The following PCDHGC5 variants were observed in gnomAD, a reference collection of about 807,000 sequenced individuals.
The protein encoded by PCDHGC5 is protocadherin gamma-C5.
Under a neutral mutation model 59.0 loss-of-function variants are expected in PCDHGC5, and 25 were observed. The ratio of observed to expected loss-of-function variants is 0.42; its 90% CI spans 0.31 to 0.59. PCDHGC5 has a LOEUF of 0.59. PCDHGC5 is among the 20% of genes least tolerant of loss of function. The pLI, the probability that PCDHGC5 is intolerant of heterozygous loss-of-function variation, is 0.13. For missense variants in PCDHGC5, 1,067 were observed against 1,206.4 expected (o/e 0.88, Z 1.71); for synonymous variants, 434 against 505.5 (o/e 0.86, Z 1.90).
intron 3 of PCDHGC5, among the ~76,000 whole-genome samples, chr5:141,506,116 A>T: frequency 6.6e-6 from 1 of 152,136 alleles, no homozygotes; most frequent in East Asian, 1.9e-4. Flanking sequence ...AAGAGTCACT[A>T]GGGCCCAGAG....
chr5:141,491,578 C>G lies in PCDHGC5; in HGVS notation c.2338C>G (p.Pro780Ala), dbSNP rs1438933474. Reference protein sequence around the residue: ...QSHCYRTCFSPASDGSDFTFL... With the variant: ...QSHCYRTCFSAASDGSDFTFL... ...CCACTGCTACAGGACGTGCTTTTCA[C>G]CGGCCTCGGACGGCAGTGACTTCAC... Residue 780 changes from proline (P) to alanine (A), a missense_variant, in exon 1 of 4, where the codon CCG (proline) becomes GCG (alanine). Physicochemically the swap from Pro to Ala is conservative, Grantham distance 27. Transcript: ENST00000252087. This position sits in a 1 kb window ranked among gnomAD's most constrained non-coding sequence, Gnocchi z 6.9. The G allele has an allele frequency of 1.9e-6, 3 of 1,614,006 alleles. No individual in the cohort carries two copies. Among genetic ancestry groups the G allele is most frequent in the Non-Finnish European group, 2.5e-6 (3 of 1,180,036 alleles).
chr5:141,510,905 C>T lies in PCDHGC5; in HGVS notation c.2609-42C>T. 4 of 1,613,538 alleles carry T rather than the reference C, an allele frequency of 2.5e-6. No homozygotes were observed. In the South Asian group the frequency reaches 4.4e-5, roughly 18 times the overall value. ...GATATAAGACAGTGACTGTTGAGGA[C>T]CCTAAGTTTAGCTCCCACCTGATCT... On this transcript the variant is annotated intron_variant, in intron 3 of 3. Coordinates refer to ENST00000252087, the MANE Select transcript of PCDHGC5 (RefSeq NM_018929.3).
intron 3 of PCDHGC5, among the ~76,000 whole-genome samples, chr5:141,506,948 G>A (rs949082646): frequency 6.6e-6 from 1 of 152,162 alleles, no homozygotes; most frequent in Non-Finnish European, 1.5e-5. Flanking sequence ...TCCTGTCAAT[G>A]AATCCTCTCA....
chr5:141,500,521 A>T lies in PCDHGC5; in HGVS notation c.2520-4872A>T, dbSNP rs185546944. 3.7e-3 allele frequency among the ~76,000 whole-genome samples: 560 copies of T among 152,176 alleles called. 5 individuals are homozygous for T. Among genetic ancestry groups the T allele is most frequent in the Admixed American group, 0.011 (162 of 15,280 alleles). On this transcript the variant is annotated intron_variant, in intron 2 of 3. Coordinates refer to ENST00000252087, the MANE Select transcript of PCDHGC5 (RefSeq NM_018929.3). Reference sequence around the variant, plus strand: ...ACCGCGCCTGGCCGAGCTTCATTTTAAAAAAATCTCATTCACCTAAATAAG... The same window carrying T: ...ACCGCGCCTGGCCGAGCTTCATTTTTAAAAAATCTCATTCACCTAAATAAG...
Position 141,490,012 on chromosome 5 carries a change from G to A in PCDHGC5, c.772G>A (p.Gly258Ser). 1 of 1,614,232 alleles carries A rather than the reference G, an allele frequency of 6.2e-7. No homozygotes were observed. Among genetic ancestry groups the A allele is most frequent in the Non-Finnish European group, 8.5e-7 (1 of 1,180,044 alleles). ...GGGAATCCCAGAGAATGCACCCATT[G>A]GTACTCTGCTGCTCCGCCTCAATGC... is the stretch of plus-strand genomic sequence containing the variant. ...RVGIPENAPI[G>S]TLLLRLNATD... Residue 258 changes from glycine (G) to serine (S), a missense_variant, in exon 1 of 4, where the codon GGT (glycine) becomes AGT (serine). Transcript: ENST00000252087. This position sits in a 1 kb window ranked among gnomAD's most constrained non-coding sequence, Gnocchi z 5.4.
At chr5:141,502,300 TTCCTC>T (rs139569110) in intron 2 of PCDHGC5, among the ~76,000 whole-genome samples, 4,853 of 152,256 alleles carry the variant, frequency 0.032, 250 homozygotes, top group African/African-American at 0.11. Flanking sequence ...TGTCACGTCT[TTCCTC>T]TCCTTTAATC....
intron 3 of PCDHGC5, among the ~76,000 whole-genome samples, chr5:141,508,528 C>T (rs2099869454): frequency 6.6e-6 from 1 of 152,186 alleles, no homozygotes; most frequent in Admixed American, 6.5e-5. Context: ...AACCTCAGGG[C>T]ACCCCCCACG....
chr5:141,512,897 C>T lies in PCDHGC5; in HGVS notation c.*1724C>T, dbSNP rs1482341871. ...CTCCCACCCCACCCTCTTCCTGTGT[C>T]TCACGCAAGTTTTATACTCTAATAT... On this transcript the variant is annotated 3_prime_UTR_variant, in exon 4 of 4. Coordinates refer to ENST00000252087, the MANE Select transcript of PCDHGC5 (RefSeq NM_018929.3). 1.3e-5 allele frequency: 2 copies of T among 152,274 alleles called. No homozygotes were observed. The highest frequency in any genetic ancestry group is 4.8e-5 in the African/African-American group (2 of 41,470). The allele number at this position is 152,274 out of a possible 1,614,324, so 9.4% of individuals were successfully genotyped here. A position where few individuals can be genotyped will look rare whatever the true frequency, so the allele number is the denominator to read the frequency against.
rs767719494 is a variant in PCDHGC5 at position 141,491,200 on chromosome 5, C to T, written c.1960C>T (p.Pro654Ser). Residue 654 changes from proline to serine, a missense_variant, in exon 1 of 4, where the codon CCT becomes TCT. By Grantham distance (74) the Pro-to-Ser change is moderately conservative. Coordinates refer to ENST00000252087, the MANE Select transcript of PCDHGC5 (RefSeq NM_018929.3). This position sits in a 1 kb window ranked among gnomAD's most constrained non-coding sequence, Gnocchi z 6.9. The part of the protein sequence containing the change: ...VVVLVRDNGD[P>S]SLSSTATVLL... The stretch of plus-strand genomic sequence containing the variant: ...GGTCCTGGTGAGGGACAATGGTGAC[C>T]CTTCACTCTCCTCCACAGCCACAGT... 4 of 1,614,158 alleles carry T rather than the reference C, an allele frequency of 2.5e-6. No individual in the cohort carries two copies. The highest frequency in any genetic ancestry group is 3.4e-6 in the Non-Finnish European group (4 of 1,180,000).
chr5:141,499,572 T>C (rs2099792782), intron 2 of PCDHGC5, among the ~76,000 whole-genome samples: 1 of 152,178 alleles, frequency 6.6e-6, no homozygotes, highest in Admixed American at 6.5e-5. Flanking sequence ...CAGCTTCAAC[T>C]AATGCCTTAT....
intron 2 of PCDHGC5, among the ~76,000 whole-genome samples, chr5:141,504,948 T>C (rs1044527570): frequency 2.0e-5 from 3 of 152,080 alleles, no homozygotes; most frequent in Admixed American, 1.3e-4. Flanking sequence ...GAATGCACTA[T>C]GTTCAATGCA....
At position 141,509,122 on chromosome 5, in the gene PCDHGC5, G is replaced by A. The variant is rs2099875312; in HGVS notation, c.2609-1825G>A. 2.0e-5 allele frequency among the ~76,000 whole-genome samples: 3 copies of A among 152,154 alleles called. No homozygotes were observed. In the South Asian group the frequency reaches 6.2e-4, roughly 32 times the overall value. The stretch of plus-strand genomic sequence containing the variant: ...AGAAACCTGAGCGCTGGTGCGTGAA[G>A]AGAAAAACCGAGGCGCATCCCGGCT... On this transcript the variant is annotated intron_variant, in intron 3 of 3. Transcript: ENST00000252087.
chr5:141,501,621 A>T (rs1348614977), intron 2 of PCDHGC5, among the ~76,000 whole-genome samples: 1 of 152,100 alleles, frequency 6.6e-6, no homozygotes, highest in Non-Finnish European at 1.5e-5. Context: ...ACTCTGGTAT[A>T]GTCTCTCAAC....
rs1224625072 is a variant in PCDHGC5 at position 141,490,972 on chromosome 5, C to A, written c.1732C>A (p.Arg578Ser). Residue 578 changes from arginine to serine, a missense_variant, in exon 1 of 4, where the codon CGT (arginine) becomes AGT (serine). By Grantham distance (110) the Arg-to-Ser change is moderately radical (BLOSUM62 -1). Transcript: ENST00000252087. The surrounding 1 kb of genome is among the most constrained non-coding windows in gnomAD (Gnocchi z 5.4). ...RPDWEHSAPQRLPRSAPPGSL... is the reference protein window; with the variant it reads ...RPDWEHSAPQSLPRSAPPGSL... ...AGACTGGGAACACTCAGCCCCCCAG[C>A]GTCTCCCTCGCTCTGCTCCTCCTGG... is the stretch of plus-strand genomic sequence containing the variant. 2 of 1,613,912 alleles carry A rather than the reference C, an allele frequency of 1.2e-6. No individual in the cohort carries two copies. Among genetic ancestry groups the A allele is most frequent in the Non-Finnish European group, 1.7e-6 (2 of 1,179,922 alleles).
In PCDHGC5 at chr5:141,511,308, G is replaced by A. The variant is rs76613492; in HGVS notation, c.*135G>A. ...AGGGGCCAAGGCCATGCTCCCCTTG[G>A]GAAACAGAAACAAGTGCCCAGTCAG... is the stretch of plus-strand genomic sequence containing the variant. On this transcript the variant is annotated 3_prime_UTR_variant, in exon 4 of 4. Coordinates refer to ENST00000252087, the MANE Select transcript of PCDHGC5 (RefSeq NM_018929.3). 1.1e-3 allele frequency: 1,589 copies of A among 1,487,716 alleles called. 16 individuals carry two copies. In the African/African-American group the frequency reaches 0.021, roughly 19 times the overall value. The allele number at this position is 1,487,716 out of a possible 1,614,324, so 92.2% of individuals were successfully genotyped here.
intron 3 of PCDHGC5, 126 bp downstream of exon 3, chr5:141,505,607 T>A: frequency 6.5e-7 from 1 of 1,528,684 alleles, no homozygotes. Flanking sequence ...TCGGCAGGTC[T>A]GAAAGGACCC....
chr5:141,505,583 T>A, intron 3 of PCDHGC5, 102 bp downstream of exon 3: 1 of 1,583,650 alleles, frequency 6.3e-7, no homozygotes, highest in Non-Finnish European at 8.6e-7. Context: ...ACCTGTGTAG[T>A]TTCTCCAGAT....
intron 1 of PCDHGC5, among the ~76,000 whole-genome samples, chr5:141,492,964 C>CT (rs2099745347): frequency 6.6e-6 from 1 of 152,354 alleles, no homozygotes; most frequent in Non-Finnish European, 1.5e-5. Context: ...ATCTGACACT[C>CT]TAACAAGTCC....
chr5:141,505,509 G>A (rs778054090), intron 3 of PCDHGC5, 28 bp downstream of exon 3: 1 of 1,613,940 alleles, frequency 6.2e-7, no homozygotes, highest in Non-Finnish European at 8.5e-7. Context: ...GTGTATGGAA[G>A]AGTGGGAGAC....
Sources: gnomAD v4.1 joint callset for allele counts (sites outside exome capture counted in the v4.1 genomes callset) on GRCh38, gnomAD v4.1.1 for gene constraint, Gnocchi (gnomAD v3.1) non-coding constraint, MANE v1.5 for transcripts, NCBI Gene and HGNC (gene_info 2026-07-23, HGNC 2026-07-21) for gene names.